Variants in EPS8 observed in about 807,000 individuals in gnomAD.
EPS8 encodes the protein epidermal growth factor receptor kinase substrate 8.
A neutral mutation model predicts 103.8 loss-of-function variants in EPS8; 42 were observed. The observed-to-expected ratio is 0.40, with a 90% CI of 0.32 to 0.52. The LOEUF (loss-of-function observed/expected upper bound fraction) is 0.52, where lower values mean the gene tolerates loss of function less well. Among genes scored for constraint, EPS8 ranks in the 20% least tolerant of loss-of-function variants. The probability of loss-of-function intolerance (pLI) is 0.40; values close to 1 mark genes in which losing one functional copy is unlikely to be tolerated. For synonymous variants in EPS8, 344 were observed against 344.6 expected (o/e 1.00, Z 0.02); for missense variants, 969 against 1,005.1 (o/e 0.96, Z 0.49).
Position 15,759,816 on chromosome 12 carries a change from G to A in EPS8, c.-22+29345C>T, listed in dbSNP as rs773377133. 5.3e-5 allele frequency among the ~76,000 whole-genome samples: 8 copies of A among 151,840 alleles called. No individual in the cohort carries two copies. The highest frequency in any genetic ancestry group is 1.2e-4 in the Non-Finnish European group (8 of 67,894). ...CCAAAACCTATGTGAAACAGCAAAA[G>A]CAGTACTAACAGGAAAGTTTATAGC... On this transcript the variant is annotated intron_variant, in intron 1 of 20. Transcript: ENST00000281172. The surrounding 1 kb of genome is among the most constrained non-coding windows in gnomAD (Gnocchi z 4.9).
At position 15,669,747 on chromosome 12, in the gene EPS8, C is replaced by T; in HGVS notation, c.283G>A (p.Asp95Asn). ...TGAGTCCACACTTTGCCCTTGGCATCAAGCAATTTCAATTTCCTTATTCCA... is the reference window on the plus strand; with the variant it reads ...TGAGTCCACACTTTGCCCTTGGCATTAAGCAATTTCAATTTCCTTATTCCA... ...DDGIRKLKLL[D>N]AKGKVWTQDM... The change falls in exon 5 of 21, where the codon GAT becomes AAT. Residue 95 changes from aspartate to asparagine, a missense_variant. Physicochemically the swap from Asp to Asn is conservative, Grantham distance 23 (BLOSUM62 1). Coordinates refer to ENST00000281172, the MANE Select transcript of EPS8 (RefSeq NM_004447.6). 6.2e-7 allele frequency: 1 copy of T among 1,613,784 alleles called. No individual in the cohort carries two copies. The highest frequency in any genetic ancestry group is 8.5e-7 in the Non-Finnish European group (1 of 1,179,844).
At chr12:15,694,423 G>T (rs192652964) in intron 1 of EPS8, among the ~76,000 whole-genome samples, 50 of 152,266 alleles carry the variant, frequency 3.3e-4, no homozygotes, top group African/African-American at 1.2e-3. Context: ...TGGACGTGAG[G>T]CAATAACCCC....
intron 12 of EPS8, 89 bp from the exon 13 acceptor site, chr12:15,654,382 G>T: frequency 1.7e-6 from 2 of 1,173,380 alleles, no homozygotes; most frequent in Non-Finnish European, 2.5e-6. Flanking sequence ...GCAAAAACAA[G>T]CACTACTTTT....
intron 17 of EPS8, among the ~76,000 whole-genome samples, chr12:15,633,431 C>A (rs936732284): frequency 3.9e-5 from 6 of 152,112 alleles, no homozygotes; most frequent in African/African-American, 7.2e-5. Flanking sequence ...GTTTTTAAAG[C>A]CTAAACAAAC....
At chr12:15,631,894 T>C (rs972062940) in intron 17 of EPS8, 16 of 406,140 alleles carry the variant, frequency 3.9e-5, no homozygotes, top group African/African-American at 2.6e-4. Context: ...CAAGGCTACG[T>C]CAATAGCAAA....
rs1454810751 is a variant in EPS8, at chr12:15,675,914, TGTTA to T, written c.137-4995_137-4992del. ...AAATAAATGAAGTCCTCTGAGCGTT[TGTTA>T]GAGATGCCACCATGTCTATACATTA... On this transcript the variant is annotated intron_variant, in intron 3 of 20. Transcript: ENST00000281172. Among the ~76,000 whole-genome samples, 4 of 152,252 alleles carry T rather than the reference TGTTA, an allele frequency of 2.6e-5. No individual in the cohort carries two copies. In the East Asian group the frequency reaches 5.8e-4, roughly 22 times the overall value.
chr12:15,636,251 TACA>T (rs1426918182), intron 17 of EPS8, among the ~76,000 whole-genome samples: 3 of 152,182 alleles, frequency 2.0e-5, no homozygotes, highest in Admixed American at 6.5e-5. Context: ...TGGAATGCTC[TACA>T]ACATTTTTAT....
intron 15 of EPS8, among the ~76,000 whole-genome samples, chr12:15,644,967 A>G (rs1945296142): frequency 2.0e-5 from 3 of 152,194 alleles, no homozygotes; most frequent in Non-Finnish European, 2.9e-5. Flanking sequence ...GACAGAATCC[A>G]TAAGAACAAC....
At position 15,716,677 on chromosome 12, in the gene EPS8, T is replaced by C. The variant is rs1336269996; in HGVS notation, c.-21-33705A>G. Reference sequence around the variant, plus strand: ...AACCTTGCCCTACATTCCCATACTTTGTAACTACAAATATAGAGGCAGACA... The same window carrying C: ...AACCTTGCCCTACATTCCCATACTTCGTAACTACAAATATAGAGGCAGACA... On this transcript the variant is annotated intron_variant, in intron 1 of 20. Transcript: ENST00000281172. The surrounding 1 kb of genome is among the most constrained non-coding windows in gnomAD (Gnocchi z 5.0). Among the ~76,000 whole-genome samples the C allele has an allele frequency of 2.0e-5, 3 of 152,212 alleles. No individual in the cohort carries two copies. The highest frequency in any genetic ancestry group is 6.5e-5 in the Admixed American group (1 of 15,284).
intron 1 of EPS8, among the ~76,000 whole-genome samples, chr12:15,712,579 T>C (rs1228810978): frequency 6.6e-6 from 1 of 152,178 alleles, no homozygotes; most frequent in Non-Finnish European, 1.5e-5. Context: ...TTCTCTTAAA[T>C]ACCATGACCT....
intron 1 of EPS8, among the ~76,000 whole-genome samples, chr12:15,710,840 AT>A (rs1363883234): frequency 3.3e-5 from 5 of 152,130 alleles, no homozygotes; most frequent in African/African-American, 1.2e-4. Context: ...TTCAAAAAAT[AT>A]TTATACAATT....
In EPS8 at chr12:15,656,298, C is replaced by A. The variant is rs1040769460; in HGVS notation, c.1101+1781G>T. On this transcript the variant is annotated intron_variant, in intron 12 of 20. Coordinates refer to ENST00000281172, the MANE Select transcript of EPS8 (RefSeq NM_004447.6). ...TATCAGTTTCTTTGCATATGTATGTCCTTGATCTCCACCTAATTTTTTAAA... is the reference window on the plus strand; with the variant it reads ...TATCAGTTTCTTTGCATATGTATGTACTTGATCTCCACCTAATTTTTTAAA... Among the ~76,000 whole-genome samples the A allele has an allele frequency of 4.6e-5, 7 of 152,124 alleles. 1 individual carries two copies. Among genetic ancestry groups the A allele is most frequent in the Non-Finnish European group, 8.8e-5 (6 of 68,024 alleles).
At chr12:15,634,322 A>G (rs1945099736) in intron 17 of EPS8, among the ~76,000 whole-genome samples, 1 of 152,198 alleles carries the variant, frequency 6.6e-6, no homozygotes. Flanking sequence ...GTTAAAAGCA[A>G]AATCTATCTT....
chr12:15,721,800 A>C lies in EPS8; in HGVS notation c.-21-38828T>G, dbSNP rs1167575186. ...CAGCACCAAATATCAGACTTTTTAA[A>C]ATTTTTATTATATATTATAAATATT... On this transcript the variant is annotated intron_variant, in intron 1 of 20. Transcript: ENST00000281172. The surrounding 1 kb of genome is among the most constrained non-coding windows in gnomAD (Gnocchi z 4.4). Among the ~76,000 whole-genome samples, 3 of 151,782 alleles carry C rather than the reference A, an allele frequency of 2.0e-5. No homozygotes were observed. Among genetic ancestry groups the C allele is most frequent in the Non-Finnish European group, 4.4e-5 (3 of 67,892 alleles).
intron 15 of EPS8, 75 bp downstream of exon 15, chr12:15,647,052 A>G (rs1945330378): frequency 7.1e-7 from 1 of 1,401,434 alleles, no homozygotes; most frequent in East Asian, 2.3e-5. Flanking sequence ...GACAATACAG[A>G]CACTGTCACC....
chr12:15,692,886 C>T (rs980352125), intron 1 of EPS8, among the ~76,000 whole-genome samples: 2 of 152,022 alleles, frequency 1.3e-5, no homozygotes, highest in African/African-American at 4.8e-5. Context: ...TACTTATTTT[C>T]TGATTACAGT....
intron 18 of EPS8, 142 bp from the exon 19 acceptor site, chr12:15,624,549 G>T: frequency 1.7e-6 from 1 of 572,678 alleles, no homozygotes; most frequent in Middle Eastern, 4.5e-4. Flanking sequence ...TTTTATCCTC[G>T]CCTGGTATAA....
At chr12:15,659,395 A>T (rs948872532) in intron 10 of EPS8, among the ~76,000 whole-genome samples, 1 of 152,148 alleles carries the variant, frequency 6.6e-6, no homozygotes, top group Non-Finnish European at 1.5e-5. Context: ...AAAGGGAAAA[A>T]ACTGGATACA....
intron 8 of EPS8, among the ~76,000 whole-genome samples, chr12:15,664,377 C>G (rs1244500010): frequency 6.6e-6 from 1 of 151,784 alleles, no homozygotes. Context: ...TTTAAGAATA[C>G]AAGAAACCTA....
Sources: allele counts gnomAD v4.1 joint callset (sites outside exome capture counted in the v4.1 genomes callset), GRCh38; gene constraint gnomAD v4.1.1; non-coding constraint Gnocchi (gnomAD v3.1); transcripts MANE v1.5; gene names NCBI Gene and HGNC (gene_info 2026-07-23, HGNC 2026-07-21).